PALM2AKAP2: variants seen among roughly 807,000 people sequenced by gnomAD.
PALM2AKAP2 encodes the protein PALM2-AKAP2 fusion protein.
Under a neutral mutation model 71.5 loss-of-function variants are expected in PALM2AKAP2, and 37 were observed. That is an observed-to-expected ratio of 0.52 (90% CI 0.40 to 0.68). The LOEUF (loss-of-function observed/expected upper bound fraction) is 0.68. Ranked by LOEUF, PALM2AKAP2 falls within the 30% of genes least tolerant of loss-of-function variation. The pLI is 0.00. For missense variants in PALM2AKAP2, 1,224 were observed against 1,191.8 expected (o/e 1.03, Z -0.40); for synonymous variants, 468 against 478.8 (o/e 0.98, Z 0.29).
chr9:109,982,229 T>C (rs938537661), intron 6 of PALM2AKAP2, among the ~76,000 whole-genome samples: 1 of 152,192 alleles, frequency 6.6e-6, no homozygotes, highest in Non-Finnish European at 1.5e-5. Context: ...TTTTCACTTG[T>C]TGGTGAGGAC....
intron 1 of PALM2AKAP2, among the ~76,000 whole-genome samples, chr9:109,832,229 G>A (rs1828320610): frequency 6.6e-6 from 1 of 152,256 alleles, no homozygotes; most frequent in African/African-American, 2.4e-5. Flanking sequence ...CCAGGCGTAA[G>A]GTTTTTGGCA....
chr9:109,991,830 G>A lies in PALM2AKAP2; in HGVS notation c.497-24124G>A, dbSNP rs868454554. Among the ~76,000 whole-genome samples the A allele has an allele frequency of 2.0e-5, 3 of 152,134 alleles. No individual in the cohort carries two copies. The East Asian group carries it at 5.8e-4, about 29-fold the overall frequency. ...GGGATGTCTCAGCTGGGACATAATC[G>A]CATCCTGGAAGCTTGAAGGCTGTTT... On this transcript the variant is annotated intron_variant, in intron 6 of 9. Transcript: ENST00000302798.
At chr9:110,054,473 A>C (rs1006476635) in intron 1 of PALM2AKAP2, among the ~76,000 whole-genome samples, 1 of 152,218 alleles carries the variant, frequency 6.6e-6, no homozygotes, top group African/African-American at 2.4e-5. Context: ...CACCTTGTAC[A>C]TGTATTCCTC....
chr9:110,004,591 G>A (rs919731689), intron 6 of PALM2AKAP2, among the ~76,000 whole-genome samples: 2 of 152,050 alleles, frequency 1.3e-5, no homozygotes, highest in African/African-American at 4.8e-5. Flanking sequence ...TGCTAGATTG[G>A]GGAAGTTCTC....
At chr9:110,151,571 A>T (rs1012772980) in intron 2 of PALM2AKAP2, among the ~76,000 whole-genome samples, 2 of 152,324 alleles carry the variant, frequency 1.3e-5, no homozygotes, top group South Asian at 2.1e-4. Flanking sequence ...TTGAGGCATC[A>T]AGTAACTATC....
At chr9:109,995,789 G>T (rs1832565842) in intron 6 of PALM2AKAP2, among the ~76,000 whole-genome samples, 1 of 152,188 alleles carries the variant, frequency 6.6e-6, no homozygotes, top group South Asian at 2.1e-4. Context: ...ATATCAGGTG[G>T]GGAGTGATGT....
At chr9:109,840,676 A>T (rs1023702139) in intron 1 of PALM2AKAP2, among the ~76,000 whole-genome samples, 2 of 152,326 alleles carry the variant, frequency 1.3e-5, no homozygotes, top group African/African-American at 4.8e-5. Flanking sequence ...TACAAGAAAA[A>T]AACAAACAAC....
chr9:109,978,868 C>T (rs1205568400), intron 6 of PALM2AKAP2, among the ~76,000 whole-genome samples: 1 of 152,144 alleles, frequency 6.6e-6, no homozygotes, highest in Non-Finnish European at 1.5e-5. Flanking sequence ...TAGAGACACG[C>T]TTGACTCCAT....
chr9:110,053,544 A>G lies in PALM2AKAP2; in HGVS notation c.156+4689A>G, dbSNP rs1272725111. Reference sequence around the variant, plus strand: ...CTCTGTCTCAAAAAAAAAAAAAAAAAAAAAGAAAAAAAGAAAGAAAGAAAG... The same window carrying G: ...CTCTGTCTCAAAAAAAAAAAAAAAAGAAAAGAAAAAAAGAAAGAAAGAAAG... On this transcript the variant is annotated intron_variant, in intron 1 of 3. Transcript: ENST00000374525. Among the ~76,000 whole-genome samples, 956 of 150,668 alleles carry G rather than the reference A, an allele frequency of 6.3e-3. 7 individuals carry two copies. The highest frequency in any genetic ancestry group is 0.016 in the African/African-American group (662 of 41,096).
At chr9:109,997,017 C>T (rs1025963029) in intron 6 of PALM2AKAP2, among the ~76,000 whole-genome samples, 2 of 152,014 alleles carry the variant, frequency 1.3e-5, no homozygotes, top group Non-Finnish European at 2.9e-5. Flanking sequence ...GGTGAGACCC[C>T]ATCTCTACTA....
intron 1 of PALM2AKAP2, among the ~76,000 whole-genome samples, chr9:109,755,948 A>T (rs1163864557): frequency 2.0e-5 from 3 of 152,140 alleles, no homozygotes; most frequent in Non-Finnish European, 4.4e-5. Flanking sequence ...CATGATAAGC[A>T]TGCAGATTCA....
intron 6 of PALM2AKAP2, among the ~76,000 whole-genome samples, chr9:109,953,692 G>A (rs1029841365): frequency 2.0e-4 from 31 of 151,914 alleles, no homozygotes; most frequent in African/African-American, 7.3e-4. Context: ...AAAATTAGCT[G>A]GGCTTGGTGG....
chr9:109,772,619 G>C (rs1014090155), intron 1 of PALM2AKAP2, among the ~76,000 whole-genome samples: 11 of 152,204 alleles, frequency 7.2e-5, no homozygotes, highest in African/African-American at 2.7e-4. Flanking sequence ...ATGTGGGGCT[G>C]TTGGTCTTCA....
intron 3 of PALM2AKAP2, among the ~76,000 whole-genome samples, chr9:109,919,108 G>C (rs901407198): frequency 6.6e-6 from 1 of 152,144 alleles, no homozygotes; most frequent in South Asian, 2.1e-4. Context: ...AGCCATTTTC[G>C]GTTTTAGTCA....
chr9:109,796,010 C>A (rs1044652090), intron 1 of PALM2AKAP2, among the ~76,000 whole-genome samples: 15 of 152,188 alleles, frequency 9.9e-5, no homozygotes, highest in African/African-American at 3.6e-4. Flanking sequence ...TTCTTGAGGC[C>A]AATGACTATG....
rs1469291071 is a variant in PALM2AKAP2 at position 110,015,629 on chromosome 9, CAAAT to C, written c.497-317_497-314del. On this transcript the variant is annotated intron_variant, in intron 6 of 9. Transcript: ENST00000302798. Reference sequence around the variant, plus strand: ...CTCAATAAATAAATAAATAAACAAACAAATAAATAAAAATGAAAAGAAGAAGACG... The same window carrying C: ...CTCAATAAATAAATAAATAAACAAACAAATAAAAATGAAAAGAAGAAGACG... Among the ~76,000 whole-genome samples, 63 of 152,120 alleles carry C rather than the reference CAAAT, an allele frequency of 4.1e-4. No homozygotes were observed. In the South Asian group the frequency reaches 0.013, roughly 31 times the overall value.
Position 109,706,781 on chromosome 9 carries a change from C to T in PALM2AKAP2, c.5+65915C>T, listed in dbSNP as rs191331908. 2.2e-3 allele frequency among the ~76,000 whole-genome samples: 335 copies of T among 152,258 alleles called. 2 individuals are homozygous for T. The highest frequency in any genetic ancestry group is 7.1e-3 in the African/African-American group (293 of 41,560). Reference sequence around the variant, plus strand: ...CAACCTGGATGCACCTTAACAAACACGCTAAATGAAAGAAGCAAGTCACAA... The same window carrying T: ...CAACCTGGATGCACCTTAACAAACATGCTAAATGAAAGAAGCAAGTCACAA... On this transcript the variant is annotated intron_variant, in intron 1 of 6. Transcript: ENST00000374531.
chr9:109,903,832 A>G (rs1830383233), intron 3 of PALM2AKAP2, among the ~76,000 whole-genome samples: 1 of 151,116 alleles, frequency 6.6e-6, no homozygotes, highest in Non-Finnish European at 1.5e-5. Flanking sequence ...ACATGTGCAT[A>G]CACAATCTTA....
At chr9:109,825,011 G>A (rs1828107759) in intron 1 of PALM2AKAP2, among the ~76,000 whole-genome samples, 1 of 152,170 alleles carries the variant, frequency 6.6e-6, no homozygotes. Context: ...TACCTTCTTA[G>A]GCCAGTCATC....
Sources: allele counts gnomAD v4.1 joint callset (sites outside exome capture counted in the v4.1 genomes callset), GRCh38; gene constraint gnomAD v4.1.1; transcripts MANE v1.5; gene names NCBI Gene and HGNC (gene_info 2026-07-23, HGNC 2026-07-21).